The following CRAMP1 variants were observed in gnomAD, a reference collection of about 807,000 sequenced individuals.
CRAMP1 encodes the protein cramped chromatin regulator 1, also known as protein cramped-like.
CRAMP1 carries 50 observed loss-of-function variants against 115.4 expected under a neutral mutation model. The observed-to-expected ratio is 0.43, with a 90% confidence interval of 0.35 to 0.55. The LOEUF (loss-of-function observed/expected upper bound fraction) is 0.55, where lower values mean the gene tolerates loss of function less well. CRAMP1 is among the 20% of genes least tolerant of loss of function. CRAMP1 has a pLI of 0.01. For synonymous variants in CRAMP1, 866 were observed against 745.4 expected (o/e 1.16, Z -2.64); for missense variants, 1,679 against 1,721.7 (o/e 0.98, Z 0.44).
At chr16:1,653,866 G>C (rs1418537525) in intron 8 of CRAMP1, among the ~76,000 whole-genome samples, 1 of 150,790 alleles carries the variant, frequency 6.6e-6, no homozygotes, top group South Asian at 2.1e-4. Flanking sequence ...AGGTGACTGG[G>C]TGTGGAGGCT....
In CRAMP1 at chr16:1,671,398, G is replaced by A. The variant is rs118170876; in HGVS notation, c.3645+589G>A. 5.9e-5 allele frequency among the ~76,000 whole-genome samples: 9 copies of A among 152,208 alleles called. No individual in the cohort carries two copies. Among genetic ancestry groups the A allele is most frequent in the South Asian group, 4.1e-4 (2 of 4,832 alleles). ...TGGTTTGTGACTCTCCACTTTTGACGAGATGCAGCGTCCCTCTTTGTTGGC... is the reference window on the plus strand; with the variant it reads ...TGGTTTGTGACTCTCCACTTTTGACAAGATGCAGCGTCCCTCTTTGTTGGC... On this transcript the variant is annotated intron_variant, in intron 20 of 20. Coordinates refer to ENST00000397412, the MANE Select transcript of CRAMP1 (RefSeq NM_020825.4). The surrounding 1 kb of genome is among the most constrained non-coding windows in gnomAD (Gnocchi z 5.0).
intron 6 of CRAMP1, among the ~76,000 whole-genome samples, chr16:1,649,540 A>G (rs1390786138): frequency 6.6e-6 from 1 of 151,782 alleles, no homozygotes; most frequent in African/African-American, 2.4e-5. Context: ...CTCAGGCTGG[A>G]GTGAAGTGGT....
chr16:1,653,288 G>C, intron 8 of CRAMP1, 132 bp downstream of exon 8: 1 of 1,115,904 alleles, frequency 9.0e-7, no homozygotes, highest in Non-Finnish European at 1.3e-6. Context: ...ACACGAGGAC[G>C]CAGCAGTGTG....
At chr16:1,652,859 C>T (rs1000682308) in intron 7 of CRAMP1, among the ~76,000 whole-genome samples, 174 bp from the exon 8 acceptor site, 8 of 152,184 alleles carry the variant, frequency 5.3e-5, no homozygotes, top group African/African-American at 1.9e-4. Context: ...CCTTTGCAAA[C>T]CCCTGAGCAG....
chr16:1,641,015 CAG>C (rs1418103729), intron 5 of CRAMP1, 122 bp from the exon 6 acceptor site: 9 of 664,320 alleles, frequency 1.4e-5, no homozygotes, highest in Non-Finnish European at 1.0e-5. Context: ...GCTTTTATTC[CAG>C]AGGAACTTTA....
intron 12 of CRAMP1, 33 bp from the exon 13 acceptor site, chr16:1,662,728 C>T (rs1259694685): frequency 6.2e-7 from 1 of 1,613,490 alleles, no homozygotes; most frequent in African/African-American, 1.3e-5. Context: ...CTGGAGAGTG[C>T]ACCTTCAGGT....
chr16:1,623,355 C>T (rs1262693939), intron 2 of CRAMP1, among the ~76,000 whole-genome samples: 1 of 152,208 alleles, frequency 6.6e-6, no homozygotes, highest in African/African-American at 2.4e-5. Flanking sequence ...TTTGCCTCCT[C>T]TCCACCTCTG....
At chr16:1,658,792 GCT>G (rs1200801319) in intron 10 of CRAMP1, among the ~76,000 whole-genome samples, 1 of 152,212 alleles carries the variant, frequency 6.6e-6, no homozygotes, top group African/African-American at 2.4e-5. Context: ...GGGCCTGAAG[GCT>G]CTGAGTGAGC....
At chr16:1,664,976 T>C (rs1035726352) in intron 13 of CRAMP1, 81 bp from the exon 14 acceptor site, 3 of 977,272 alleles carry the variant, frequency 3.1e-6, no homozygotes, top group Non-Finnish European at 4.9e-6. Flanking sequence ...ACCCTCTTAC[T>C]TGGGACATTC....
In CRAMP1 at chr16:1,671,909, C is replaced by A. The variant is rs970293724; in HGVS notation, c.3645+1100C>A. Reference sequence around the variant, plus strand: ...ATATACACATAGACACAATTAATAGCGTAGACCTCCATCTCACAGTGTGTG... The same window carrying A: ...ATATACACATAGACACAATTAATAGAGTAGACCTCCATCTCACAGTGTGTG... On this transcript the variant is annotated intron_variant, in intron 20 of 20. Transcript: ENST00000397412. The surrounding 1 kb of genome is among the most constrained non-coding windows in gnomAD (Gnocchi z 5.0). Among the ~76,000 whole-genome samples, 1 of 152,206 alleles carries A rather than the reference C, an allele frequency of 6.6e-6. No homozygotes were observed. Among genetic ancestry groups the A allele is most frequent in the Non-Finnish European group, 1.5e-5 (1 of 68,030 alleles).
At chr16:1,620,564 C>G (rs977154333) in intron 2 of CRAMP1, 7 of 448,846 alleles carry the variant, frequency 1.6e-5, no homozygotes, top group African/African-American at 4.0e-5. Context: ...AAAGAGTGCT[C>G]CAGGACAGTG....
chr16:1,620,259 T>C (rs2036454905), intron 2 of CRAMP1, among the ~76,000 whole-genome samples: 1 of 152,212 alleles, frequency 6.6e-6, no homozygotes, highest in Admixed American at 6.5e-5. Flanking sequence ...CTGCAGTTTC[T>C]GCGCCATCCT....
Position 1,662,766 on chromosome 16 carries a change from G to T in CRAMP1, c.2601G>T (p.Gln867His), listed in dbSNP as rs1232269585. The part of the protein sequence containing the change: ...FRQHLNSISM[Q>H]SDFFLPKPRK... Reference sequence around the variant, plus strand: ...CGGACGCTGCTCCCTTACAGATGCAGTCGGATTTCTTCCTGCCAAAGCCCC... The same window carrying T: ...CGGACGCTGCTCCCTTACAGATGCATTCGGATTTCTTCCTGCCAAAGCCCC... Residue 867 changes from glutamine (Q) to histidine (H), a missense_variant, in exon 13 of 21, where the codon CAG (glutamine) becomes CAT (histidine). Around this residue, in one of 8 missense-constraint regions of CRAMP1, gnomAD observed 709 missense variants for 741.9 expected, o/e 0.96. Transcript: ENST00000397412. 6.2e-6 allele frequency: 10 copies of T among 1,613,938 alleles called. No homozygotes were observed. The highest frequency in any genetic ancestry group is 7.6e-6 in the Non-Finnish European group (9 of 1,179,886).
chr16:1,647,104 G>T, intron 6 of CRAMP1: 1 of 702,508 alleles, frequency 1.4e-6, no homozygotes, highest in South Asian at 1.5e-5. Context: ...GCTACCCCTG[G>T]ATTTCAGCCC....
intron 3 of CRAMP1, 21 bp from the exon 4 acceptor site, chr16:1,632,191 A>G (rs2036552777): frequency 6.4e-7 from 1 of 1,550,886 alleles, no homozygotes; most frequent in African/African-American, 1.4e-5. Context: ...CTCTACATTT[A>G]TCATGGAATT....
chr16:1,632,993 C>T (rs113850245), intron 4 of CRAMP1, among the ~76,000 whole-genome samples: 1 of 152,222 alleles, frequency 6.6e-6, no homozygotes, highest in Non-Finnish European at 1.5e-5. Context: ...TCCAGCAGCG[C>T]ACCTGTGCTG....
At chr16:1,655,128 C>A in intron 8 of CRAMP1, 91 bp from the exon 9 acceptor site, 1 of 1,145,328 alleles carries the variant, frequency 8.7e-7, no homozygotes, top group Non-Finnish European at 1.3e-6. Flanking sequence ...TCTCTTTTGG[C>A]ACCCTCCTGC....
At chr16:1,616,479 A>G (rs1163712482) in intron 2 of CRAMP1, among the ~76,000 whole-genome samples, 2 of 152,230 alleles carry the variant, frequency 1.3e-5, no homozygotes, top group Admixed American at 6.5e-5. Context: ...GAAATAGTGC[A>G]TTGGTGTGAA....
intron 2 of CRAMP1, chr16:1,620,547 A>G: frequency 2.3e-6 from 1 of 432,956 alleles, no homozygotes; most frequent in Middle Eastern, 3.4e-4. Context: ...AGTTCACCAA[A>G]CCACAGAAAG....
Sources: allele counts gnomAD v4.1 joint callset (sites outside exome capture counted in the v4.1 genomes callset), GRCh38; gene constraint gnomAD v4.1.1; regional missense constraint gnomAD v4.1.1; non-coding constraint Gnocchi (gnomAD v3.1); transcripts MANE v1.5; gene names NCBI Gene and HGNC (gene_info 2026-07-23, HGNC 2026-07-21).